Variants in ADARB2 observed in about 807,000 individuals in gnomAD.
ADARB2 encodes inactive double-stranded RNA-specific editase B2.
A neutral mutation model predicts 62.2 loss-of-function variants in ADARB2; 25 were observed. The ratio of observed to expected loss-of-function variants is 0.40; its 90% CI spans 0.29 to 0.56. The LOEUF (loss-of-function observed/expected upper bound fraction) is 0.56, where lower values mean the gene tolerates loss of function less well. Ranked by LOEUF, ADARB2 falls within the 20% of genes least tolerant of loss-of-function variation. ADARB2 has a pLI of 0.43. For synonymous variants in ADARB2, 572 were observed against 500.8 expected (o/e 1.14, Z -1.90); for missense variants, 1,071 against 1,077.4 (o/e 0.99, Z 0.08).
At chr10:1,378,556 G>T (rs1459277689) in intron 2 of ADARB2, among the ~76,000 whole-genome samples, 2 of 151,732 alleles carry the variant, frequency 1.3e-5, no homozygotes, top group East Asian at 3.9e-4. Flanking sequence ...TGCGGGTAAG[G>T]TTCCAGGTGA....
rs1025168770 is a variant in ADARB2, at chr10:1,179,957, A to AGG, written c.*3234_*3235dup. On this transcript the variant is annotated 3_prime_UTR_variant, in exon 10 of 10. Coordinates refer to ENST00000381312, the MANE Select transcript of ADARB2 (RefSeq NM_018702.4). Reference sequence around the variant, plus strand: ...CTTGTGTCGTGCCCAGCGTATTTTCAGGGTGACAGAAAGTGACCCGTCCCC... The same window carrying AGG: ...CTTGTGTCGTGCCCAGCGTATTTTCAGGGGGTGACAGAAAGTGACCCGTCCCC... 1.4e-5 allele frequency: 2 copies of AGG among 145,910 alleles called. No homozygotes were observed. Among genetic ancestry groups the AGG allele is most frequent in the African/African-American group, 5.6e-5 (2 of 35,678 alleles). The allele number at this position is 145,910 out of a possible 1,614,324, so 9.0% of individuals were successfully genotyped here. A position where few individuals can be genotyped will look rare whatever the true frequency, so the allele number is the denominator to read the frequency against.
chr10:1,285,337 G>A (rs1831403306), intron 3 of ADARB2, among the ~76,000 whole-genome samples: 1 of 151,722 alleles, frequency 6.6e-6, no homozygotes, highest in South Asian at 2.1e-4. Flanking sequence ...TCGGCTTCTC[G>A]CAGGGACGAT....
chr10:1,249,643 C>T (rs889502924), intron 4 of ADARB2, among the ~76,000 whole-genome samples: 2 of 150,596 alleles, frequency 1.3e-5, no homozygotes, highest in African/African-American at 5.0e-5. Flanking sequence ...CACACACATA[C>T]ACACGAGTAT....
At chr10:1,408,093 G>A (rs1243169984) in intron 1 of ADARB2, among the ~76,000 whole-genome samples, 2 of 152,128 alleles carry the variant, frequency 1.3e-5, no homozygotes, top group Non-Finnish European at 2.9e-5. Context: ...GATATTAGAC[G>A]AATAGAAATT....
At chr10:1,416,320 A>G (rs1832801392) in intron 1 of ADARB2, among the ~76,000 whole-genome samples, 1 of 152,274 alleles carries the variant, frequency 6.6e-6, no homozygotes, top group Non-Finnish European at 1.5e-5. Flanking sequence ...CCAAAAGTTG[A>G]GAGATGAAAC....
intron 1 of ADARB2, among the ~76,000 whole-genome samples, chr10:1,483,616 T>G (rs2131926386): frequency 6.6e-6 from 1 of 152,352 alleles, no homozygotes; most frequent in African/African-American, 2.4e-5. Flanking sequence ...TTTTCTGGTC[T>G]TTCAGTGGTG....
intron 4 of ADARB2, among the ~76,000 whole-genome samples, chr10:1,245,272 G>T (rs1478124245): frequency 6.6e-6 from 1 of 152,144 alleles, no homozygotes; most frequent in Non-Finnish European, 1.5e-5. Flanking sequence ...ATGTGCTTGA[G>T]TACCACACAT....
At chr10:1,199,216 C>CCA (rs1256682312) in intron 8 of ADARB2, among the ~76,000 whole-genome samples, 1 of 151,850 alleles carries the variant, frequency 6.6e-6, no homozygotes, top group Non-Finnish European at 1.5e-5. Flanking sequence ...GGAAACCCAC[C>CCA]CCCCCGCTTC....
intron 1 of ADARB2, among the ~76,000 whole-genome samples, chr10:1,451,766 C>A (rs1831043159): frequency 6.6e-6 from 1 of 152,032 alleles, no homozygotes; most frequent in Non-Finnish European, 1.5e-5. Context: ...GGAAGTACAC[C>A]CATATGAGGA....
intron 1 of ADARB2, among the ~76,000 whole-genome samples, chr10:1,523,972 C>G (rs1832107171): frequency 6.6e-6 from 1 of 152,192 alleles, no homozygotes. Flanking sequence ...TCCATCTACT[C>G]ATTCATTCAC....
intron 1 of ADARB2, among the ~76,000 whole-genome samples, chr10:1,382,390 T>C (rs538373892): frequency 2.0e-5 from 3 of 152,204 alleles, no homozygotes; most frequent in Non-Finnish European, 2.9e-5. Flanking sequence ...GCAATCACCG[T>C]GAAGGCACAT....
chr10:1,546,283 A>G (rs543201488), intron 1 of ADARB2, among the ~76,000 whole-genome samples: 2 of 152,312 alleles, frequency 1.3e-5, no homozygotes, highest in African/African-American at 4.8e-5. Flanking sequence ...GGTCCCAGTG[A>G]TTGGCTTTCC....
intron 1 of ADARB2, among the ~76,000 whole-genome samples, chr10:1,492,940 T>C (rs894585660): frequency 6.6e-6 from 1 of 152,154 alleles, no homozygotes; most frequent in African/African-American, 2.4e-5. Flanking sequence ...TGCCAGCATC[T>C]AATCCCCACG....
chr10:1,665,419 A>T (rs898355015), intron 1 of ADARB2, among the ~76,000 whole-genome samples: 1 of 152,226 alleles, frequency 6.6e-6, no homozygotes, highest in Non-Finnish European at 1.5e-5. Flanking sequence ...GGAACGGCAC[A>T]CATCTGCCTC....
chr10:1,693,925 G>A (rs1834704337), intron 1 of ADARB2, among the ~76,000 whole-genome samples: 1 of 152,228 alleles, frequency 6.6e-6, no homozygotes, highest in Non-Finnish European at 1.5e-5. Flanking sequence ...CCACCCCACA[G>A]GGTTTCCCAA....
intron 8 of ADARB2, among the ~76,000 whole-genome samples, chr10:1,196,118 T>C (rs746737685): frequency 2.0e-5 from 3 of 151,888 alleles, no homozygotes; most frequent in Non-Finnish European, 4.4e-5. Context: ...CTCATTCCTC[T>C]AGGACTCTGC....
At chr10:1,728,169 ATTTT>A (rs200134817) in intron 1 of ADARB2, among the ~76,000 whole-genome samples, 1 of 152,058 alleles carries the variant, frequency 6.6e-6, no homozygotes, top group African/African-American at 2.4e-5. Flanking sequence ...AAGAAGATAG[ATTTT>A]TTTTATTAGT....
Position 1,650,216 on chromosome 10 carries a change from T to C in ADARB2, c.100+86835A>G, listed in dbSNP as rs536254655. On this transcript the variant is annotated intron_variant, in intron 1 of 9. Transcript: ENST00000381312. ...GCAGCTCTACAAAGAGTGAGATTTATAGCCTAGTTTATGTTTTTTGGGGGT... is the reference window on the plus strand; with the variant it reads ...GCAGCTCTACAAAGAGTGAGATTTACAGCCTAGTTTATGTTTTTTGGGGGT... 1.3e-4 allele frequency among the ~76,000 whole-genome samples: 20 copies of C among 152,352 alleles called. 1 individual carries two copies. The highest frequency in any genetic ancestry group is 4.6e-4 in the African/African-American group (19 of 41,584).
chr10:1,543,206 A>C (rs1040991593), intron 1 of ADARB2, among the ~76,000 whole-genome samples: 1 of 152,240 alleles, frequency 6.6e-6, no homozygotes, highest in Non-Finnish European at 1.5e-5. Context: ...CCTGAGAAGC[A>C]GAAGCCGGGC....
Sources: allele counts gnomAD v4.1 joint callset (sites outside exome capture counted in the v4.1 genomes callset), GRCh38; gene constraint gnomAD v4.1.1; transcripts MANE v1.5; gene names NCBI Gene and HGNC (gene_info 2026-07-23, HGNC 2026-07-21).